TTC6: variants seen among roughly 807,000 people sequenced by gnomAD.
TTC6 encodes the protein tetratricopeptide repeat domain 6.
In TTC6, 172 loss-of-function variants were observed where a neutral mutation model predicts 210.4. That is an observed-to-expected ratio of 0.82 (90% CI 0.72 to 0.93). The LOEUF is 0.93. TTC6 is among the 40% of genes least tolerant of loss of function. TTC6 has a pLI of 0.00. For missense variants in TTC6, 2,414 were observed against 2,318.1 expected (o/e 1.04, Z -0.85); for synonymous variants, 804 against 819.6 (o/e 0.98, Z 0.32).
chr14:37,680,222 A>G (rs1043120451), exon 2 of TTC6: 17 of 1,534,234 alleles, frequency 1.1e-5, no homozygotes, highest in Non-Finnish European at 1.5e-5. Context: ...AGATACAAGC[A>G]GAGTATAAAT....
At chr14:37,766,782 A>T (rs2096000852) in intron 14 of TTC6, among the ~76,000 whole-genome samples, 1 of 152,114 alleles carries the variant, frequency 6.6e-6, no homozygotes, top group South Asian at 2.1e-4. Context: ...TTGAGAAATC[A>T]TCAAACTACT....
At chr14:37,794,058 TC>T (rs2096086591) in intron 17 of TTC6, among the ~76,000 whole-genome samples, 1 of 152,178 alleles carries the variant, frequency 6.6e-6, no homozygotes, top group African/African-American at 2.4e-5. Flanking sequence ...CTGGTAGTGG[TC>T]TAATGTCAGG....
Position 37,652,416 on chromosome 14 carries a change from AG to A in TTC6, c.940-27733del, listed in dbSNP as rs539998703. Among the ~76,000 whole-genome samples, 715 of 152,328 alleles carry A rather than the reference AG, an allele frequency of 4.7e-3. 12 individuals carry two copies. The highest frequency in any genetic ancestry group is 0.016 in the African/African-American group (654 of 41,556). On this transcript the variant is annotated intron_variant, in intron 1 of 30. Transcript: ENST00000553443. ...TTTAAATGAATGTTTATATGAGGAGAGGAATGATCTAGCAGAGAGAGAGAGA... is the reference window on the plus strand; with the variant it reads ...TTTAAATGAATGTTTATATGAGGAGAGAATGATCTAGCAGAGAGAGAGAGA...
chr14:37,790,591 A>G (rs2096077160), intron 15 of TTC6, 126 bp from the exon 18 acceptor site: 1 of 748,282 alleles, frequency 1.3e-6, no homozygotes, highest in Non-Finnish European at 2.1e-6. Context: ...CTCATCATAG[A>G]TATGTTTCTA....
At chr14:37,828,744 ATTCC>A (rs1249444576) in intron 29 of TTC6, among the ~76,000 whole-genome samples, 1,590 of 152,132 alleles carry the variant, frequency 0.01, 34 homozygotes, top group African/African-American at 0.036. Flanking sequence ...TGTCAGGGTC[ATTCC>A]TAAGAAAGGG....
intron 1 of TTC6, among the ~76,000 whole-genome samples, chr14:37,651,409 ATATATATATATATATATTTTTT>A (rs1363265993): frequency 1.0e-4 from 2 of 19,344 alleles, no homozygotes; most frequent in South Asian, 2.2e-3. Flanking sequence ...ATATATATAT[ATATATATATATATATATTTTTT>A]TTTTTTTTTT....
At chr14:37,835,231 T>C (rs902918243) in intron 29 of TTC6, among the ~76,000 whole-genome samples, 12 of 151,942 alleles carry the variant, frequency 7.9e-5, no homozygotes, top group Non-Finnish European at 1.5e-4. Context: ...GCAGGGTGAG[T>C]GTGGTGTGAA....
At chr14:37,691,002 C>A (rs8017773) in intron 3 of TTC6, among the ~76,000 whole-genome samples, 11,175 of 152,006 alleles carry the variant, frequency 0.074, 500 homozygotes, top group African/African-American at 0.13. Context: ...ATTAAAAAAA[C>A]CCCACCAATA....
At chr14:37,725,356 A>G (rs1305486380) in intron 7 of TTC6, among the ~76,000 whole-genome samples, 6 of 121,312 alleles carry the variant, frequency 4.9e-5, no homozygotes, top group African/African-American at 1.4e-4. Context: ...ATATATATAT[A>G]TAATTTTTTT....
In TTC6 at chr14:37,787,462, T is replaced by C. The variant is rs1461498131; in HGVS notation, c.3267-6T>C. 4.6e-6 allele frequency: 7 copies of C among 1,507,264 alleles called. No homozygotes were observed. Among genetic ancestry groups the C allele is most frequent in the Non-Finnish European group, 6.2e-6 (7 of 1,129,456 alleles). The allele number at this position is 1,507,264 out of a possible 1,614,324, so 93.4% of individuals were successfully genotyped here. ...GTACTTGTTAAAACAAACTTTTTTT[T>C]CCTAGGACATACCGAGGGATTGCAT... On this transcript the variant is annotated splice_region_variant and splice_polypyrimidine_tract_variant and intron_variant, in intron 14 of 30. Transcript: ENST00000553443.
chr14:37,804,832 G>C lies in TTC6; in HGVS notation c.4164+18G>C. ...TACAAATGGTATTTCGTGTATTTAG[G>C]AGTATAGATTATTTGTGATTTTAGA... On this transcript the variant is annotated intron_variant, in intron 21 of 30. Transcript: ENST00000553443. 1 of 1,611,688 alleles carries C rather than the reference G, an allele frequency of 6.2e-7. No individual in the cohort carries two copies. Among genetic ancestry groups the C allele is most frequent in the Non-Finnish European group, 8.5e-7 (1 of 1,178,862 alleles).
intron 1 of TTC6, among the ~76,000 whole-genome samples, chr14:37,656,762 T>A (rs2095724336): frequency 6.6e-6 from 1 of 152,074 alleles, no homozygotes; most frequent in Non-Finnish European, 1.5e-5. Context: ...GGCTCCTCCT[T>A]TTTGGCATTT....
intron 29 of TTC6, among the ~76,000 whole-genome samples, chr14:37,832,274 A>G (rs888244529): frequency 1.7e-4 from 19 of 113,046 alleles, no homozygotes; most frequent in African/African-American, 6.4e-4. Flanking sequence ...GATGTTTTGT[A>G]TTTTTTAAGT....
chr14:37,734,106 T>G (rs1055873296), intron 7 of TTC6, among the ~76,000 whole-genome samples: 1 of 152,188 alleles, frequency 6.6e-6, no homozygotes, highest in Non-Finnish European at 1.5e-5. Flanking sequence ...TATGGCATTT[T>G]CTTCCTCCAA....
At chr14:37,735,998 A>G in exon 8 of TTC6, 1 of 1,528,480 alleles carries the variant, frequency 6.5e-7, no homozygotes, top group Non-Finnish European at 8.8e-7. Context: ...AACATAGCAG[A>G]ACAAATTTTT....
chr14:37,613,550 G>A (rs984448187), intron 2 of TTC6, among the ~76,000 whole-genome samples: 5 of 152,028 alleles, frequency 3.3e-5, no homozygotes, highest in Admixed American at 6.5e-5. Context: ...AGAAATTTAT[G>A]TAAGATGGGT....
intron 2 of TTC6, among the ~76,000 whole-genome samples, chr14:37,681,252 G>A (rs1202941046): frequency 1.3e-5 from 2 of 152,002 alleles, no homozygotes; most frequent in Non-Finnish European, 1.5e-5. Context: ...TGACCTCGAC[G>A]CCTCTAACAG....
chr14:37,751,767 A>C (rs1555394822), intron 13 of TTC6, among the ~76,000 whole-genome samples: 1 of 151,696 alleles, frequency 6.6e-6, no homozygotes, highest in Non-Finnish European at 1.5e-5. Flanking sequence ...GAAGGAAATA[A>C]GGATGGTGGG....
At chr14:37,706,952 A>T (rs1399295161) in intron 5 of TTC6, among the ~76,000 whole-genome samples, 1 of 151,696 alleles carries the variant, frequency 6.6e-6, no homozygotes, top group African/African-American at 2.4e-5. Flanking sequence ...ATATTCATTT[A>T]TTGTCCTATC....
Sources: allele counts gnomAD v4.1 joint callset (sites outside exome capture counted in the v4.1 genomes callset), GRCh38; gene constraint gnomAD v4.1.1; transcripts MANE v1.5; gene names NCBI Gene and HGNC (gene_info 2026-07-23, HGNC 2026-07-21).